DNAH8: variants seen among roughly 807,000 people sequenced by gnomAD.
The protein encoded by DNAH8 is axonemal beta dynein heavy chain 8.
A neutral mutation model predicts 562.1 loss-of-function variants in DNAH8; 382 were observed. The ratio of observed to expected loss-of-function variants is 0.68; its 90% CI spans 0.63 to 0.74. The LOEUF (loss-of-function observed/expected upper bound fraction) is 0.74, where lower values mean the gene tolerates loss of function less well. Among genes scored for constraint, DNAH8 ranks in the 30% least tolerant of loss-of-function variants. The pLI, the probability that DNAH8 is intolerant of heterozygous loss-of-function variation, is 0.00. For synonymous variants in DNAH8, 1,881 were observed against 1,919.4 expected, an observed-to-expected ratio of 0.98 and a Z score of 0.52; for missense variants, 5,203 against 5,620.4, an observed-to-expected ratio of 0.93 and a Z score of 2.37.
chr6:38,903,737 G>A (rs1024854855), intron 62 of DNAH8, among the ~76,000 whole-genome samples: 1 of 148,484 alleles, frequency 6.7e-6, no homozygotes, highest in Non-Finnish European at 1.5e-5. Context: ...TCAGCCTCCC[G>A]AGTAGCTGGG....
chr6:38,792,680 C>A (rs975899899), intron 21 of DNAH8, among the ~76,000 whole-genome samples: 1 of 152,174 alleles, frequency 6.6e-6, no homozygotes, highest in Non-Finnish European at 1.5e-5. Flanking sequence ...TCCATTGACT[C>A]AAAAGCACAA....
chr6:38,867,603 A>T (rs911957719), intron 47 of DNAH8, among the ~76,000 whole-genome samples: 5 of 151,024 alleles, frequency 3.3e-5, no homozygotes, highest in Admixed American at 6.6e-5. Context: ...AAAAAAAAAA[A>T]TTAGCCAGGC....
At chr6:38,730,600 G>A (rs1328402597) in intron 4 of DNAH8, among the ~76,000 whole-genome samples, 2 of 152,178 alleles carry the variant, frequency 1.3e-5, no homozygotes, top group Non-Finnish European at 2.9e-5. Flanking sequence ...CTTCCCTGGT[G>A]TTCCAGATTG....
At chr6:38,999,694 C>G (rs887905031) in intron 88 of DNAH8, among the ~76,000 whole-genome samples, 18 of 151,142 alleles carry the variant, frequency 1.2e-4, no homozygotes, top group Non-Finnish European at 2.5e-4. Flanking sequence ...ACAAGTAACT[C>G]TGAGAGGGGG....
At chr6:38,911,654 TGTTTGGTGGACA>T in intron 66 of DNAH8, 68 bp downstream of exon 66, 1 of 1,073,814 alleles carries the variant, frequency 9.3e-7, no homozygotes, top group Non-Finnish European at 1.4e-6. Context: ...CTCAATATTT[TGTTTGGTGGACA>T]TTTTGTCTGA....
chr6:38,845,228 A>G (rs1562971234), intron 35 of DNAH8, among the ~76,000 whole-genome samples: 1 of 152,214 alleles, frequency 6.6e-6, no homozygotes, highest in Non-Finnish European at 1.5e-5. Context: ...TTCTCATTTG[A>G]ATCTCATAGC....
chr6:38,941,760 G>T (rs1183839005), intron 79 of DNAH8, among the ~76,000 whole-genome samples: 1 of 152,144 alleles, frequency 6.6e-6, no homozygotes, highest in East Asian at 1.9e-4. Flanking sequence ...TGAGCAGGGG[G>T]GTAGGGGGCA....
At chr6:38,719,418 T>C (rs949155971) in intron 1 of DNAH8, among the ~76,000 whole-genome samples, 6 of 152,146 alleles carry the variant, frequency 3.9e-5, no homozygotes, top group African/African-American at 1.4e-4. Context: ...CAGTGTCTCT[T>C]GTTTCCATCT....
At position 38,886,887 on chromosome 6, in the gene DNAH8, A is replaced by C. The variant is rs759685756; in HGVS notation, c.8356A>C (p.Ile2786Leu). The change falls in exon 57 of 93, where the codon ATA becomes CTA. Residue 2786 changes from isoleucine (I) to leucine (L), a missense_variant. By Grantham distance (5) the Ile-to-Leu change is conservative. Around this residue, in one of 6 missense-constraint regions of DNAH8, gnomAD observed 977 missense variants for 1,061.8 expected, o/e 0.92. Coordinates refer to ENST00000327475, the MANE Select transcript of DNAH8 (RefSeq NM_001206927.2). Reference protein sequence around the residue: ...DFTTIVDVQLIAAMIHPGGGR... With the variant: ...DFTTIVDVQLLAAMIHPGGGR... ...CACTACTATTGTTGATGTGCAGCTC[A>C]TAGCAGCAATGATCCACCCTGGAGG... 6.2e-7 allele frequency: 1 copy of C among 1,613,522 alleles called. No homozygotes were observed. Among genetic ancestry groups the C allele is most frequent in the East Asian group, 2.2e-5 (1 of 44,850 alleles).
intron 33 of DNAH8, among the ~76,000 whole-genome samples, chr6:38,839,337 A>C (rs1026663340): frequency 6.6e-6 from 1 of 150,694 alleles, no homozygotes; most frequent in Non-Finnish European, 1.5e-5. Flanking sequence ...AATGGTGAGA[A>C]TGGTGAGAAG....
chr6:38,778,450 T>A lies in DNAH8; in HGVS notation c.2025T>A (p.Leu675=). 1 of 1,592,374 alleles carries A rather than the reference T, an allele frequency of 6.3e-7. No individual in the cohort carries two copies. Among genetic ancestry groups the A allele is most frequent in the Non-Finnish European group, 8.6e-7 (1 of 1,162,306 alleles). ...AAATCTTATCTTCTCAGCAGGCTCT[T>A]CAGCTACTTCAAAGGTATTCATAAC... ...FGKILSSQQA[L]QLLQRFQKLN... Residue 675 remains leucine, a synonymous_variant, in exon 14 of 93, where the codon CTT becomes CTA. Coordinates refer to ENST00000327475, the MANE Select transcript of DNAH8 (RefSeq NM_001206927.2).
intron 4 of DNAH8, 148 bp from the exon 5 acceptor site, chr6:38,734,326 A>AACC: frequency 9.8e-5 from 44 of 448,762 alleles, no homozygotes; most frequent in South Asian, 4.6e-4. Context: ...CTTCTAGTAG[A>AACC]CCCCCCCCCA....
intron 18 of DNAH8, among the ~76,000 whole-genome samples, chr6:38,789,523 AG>A (rs1562791370): frequency 6.6e-6 from 1 of 152,218 alleles, no homozygotes; most frequent in Non-Finnish European, 1.5e-5. Flanking sequence ...TATCACAAAA[AG>A]ATAATAATTC....
chr6:38,854,160 C>T (rs1238342776), intron 41 of DNAH8, among the ~76,000 whole-genome samples: 1 of 151,736 alleles, frequency 6.6e-6, no homozygotes, highest in Non-Finnish European at 1.5e-5. Context: ...TTTAATTTTC[C>T]CTTCAAGCAA....
In DNAH8 at chr6:39,012,434, T is replaced by C; in HGVS notation, c.13525-14T>C. On this transcript the variant is annotated splice_polypyrimidine_tract_variant and intron_variant, in intron 90 of 92. Transcript: ENST00000327475. ...ATGTTTCTTATTCATGTGTTTTAACTTTTTCTTCTCCAGAATCTGAGAGAT... is the reference window on the plus strand; with the variant it reads ...ATGTTTCTTATTCATGTGTTTTAACCTTTTCTTCTCCAGAATCTGAGAGAT... 6.2e-7 allele frequency: 1 copy of C among 1,610,650 alleles called. No individual in the cohort carries two copies. The highest frequency in any genetic ancestry group is 1.1e-5 in the South Asian group (1 of 90,928).
chr6:38,877,652 T>G (rs1267436057), intron 53 of DNAH8, among the ~76,000 whole-genome samples: 1 of 152,226 alleles, frequency 6.6e-6, no homozygotes, highest in Admixed American at 6.5e-5. Context: ...AGCTGACTTC[T>G]AGCCAGCCCT....
At chr6:38,887,034 G>A (rs750354956) in intron 57 of DNAH8, 30 bp downstream of exon 57, 1 of 1,461,704 alleles carries the variant, frequency 6.8e-7, no homozygotes, top group South Asian at 1.1e-5. Flanking sequence ...TTATTTTATT[G>A]CATTACATAA....
chr6:38,803,984 C>G (rs923177792), intron 22 of DNAH8, among the ~76,000 whole-genome samples: 3 of 152,270 alleles, frequency 2.0e-5, no homozygotes, highest in Admixed American at 6.5e-5. Flanking sequence ...CTGCCCACAC[C>G]CTCATAACCT....
At chr6:38,919,517 A>C (rs1449829156) in intron 70 of DNAH8, among the ~76,000 whole-genome samples, 4 of 152,172 alleles carry the variant, frequency 2.6e-5, no homozygotes, top group Non-Finnish European at 5.9e-5. Flanking sequence ...AATTATATAG[A>C]AATTTTACAT....
Sources: gnomAD v4.1 joint callset for allele counts (sites outside exome capture counted in the v4.1 genomes callset) on GRCh38, gnomAD v4.1.1 for gene constraint, gnomAD v4.1.1 regional missense constraint, MANE v1.5 for transcripts, NCBI Gene and HGNC (gene_info 2026-07-23, HGNC 2026-07-21) for gene names.